The following ASAH2 variants were observed in gnomAD, a reference collection of about 807,000 sequenced individuals.
The protein encoded by ASAH2 is N-acylsphingosine amidohydrolase 2, also known as neutral ceramidase.
A neutral mutation model predicts 82.9 loss-of-function variants in ASAH2; 58 were observed. The ratio of observed to expected loss-of-function variants is 0.70; its 90% CI spans 0.57 to 0.87. ASAH2 has a LOEUF of 0.87. Ranked by LOEUF, ASAH2 falls within the 40% of genes least tolerant of loss-of-function variation. The pLI is 0.00. For synonymous variants in ASAH2, 276 were observed against 289.7 expected (o/e 0.95, Z 0.48); for missense variants, 779 against 834.0 (o/e 0.93, Z 0.81).
At chr10:50,197,197 TG>T (rs1845010136) in intron 17 of ASAH2, among the ~76,000 whole-genome samples, 1 of 151,668 alleles carries the variant, frequency 6.6e-6, no homozygotes, top group Non-Finnish European at 1.5e-5. Flanking sequence ...AGTACAAGGT[TG>T]GAAGCATACT....
chr10:50,211,290 G>A (rs1845448157), intron 10 of ASAH2, among the ~76,000 whole-genome samples, 156 bp from the exon 11 acceptor site: 1 of 152,070 alleles, frequency 6.6e-6, no homozygotes, highest in African/African-American at 2.4e-5. Flanking sequence ...CAACCACATG[G>A]GTCTCTCTCT....
At chr10:50,203,414 C>T (rs1346843607) in intron 15 of ASAH2, among the ~76,000 whole-genome samples, 1 of 151,896 alleles carries the variant, frequency 6.6e-6, no homozygotes, top group African/African-American at 2.4e-5. Flanking sequence ...CAAACATTAT[C>T]AAATTTTAAA....
chr10:50,211,705 A>T (rs958786545), intron 10 of ASAH2, among the ~76,000 whole-genome samples: 17 of 152,310 alleles, frequency 1.1e-4, no homozygotes, highest in Middle Eastern at 3.4e-3. Flanking sequence ...AAACAAGTTT[A>T]AAAAACTCTT....
rs1844825957 is a variant in ASAH2, at chr10:50,188,983, A to G, written c.2153+516T>C. On this transcript the variant is annotated intron_variant, in intron 20 of 20. Coordinates refer to ENST00000682911, the MANE Select transcript of ASAH2 (RefSeq NM_019893.4). ...CAAAGAGATATGTCTCTCCGGAGAAATTGCCTGAATATATTATCTCCTCAC... is the reference window on the plus strand; with the variant it reads ...CAAAGAGATATGTCTCTCCGGAGAAGTTGCCTGAATATATTATCTCCTCAC... 1.4e-5 allele frequency among the ~76,000 whole-genome samples: 2 copies of G among 139,834 alleles called. 1 individual carries two copies. Among genetic ancestry groups the G allele is most frequent in the African/African-American group, 5.6e-5 (2 of 35,814 alleles). The allele number at this position is 139,834 out of a possible 152,430, so 91.7% of individuals were successfully genotyped here.
chr10:50,190,616 T>C (rs1458788270), intron 19 of ASAH2, among the ~76,000 whole-genome samples: 2,219 of 122,590 alleles, frequency 0.018, 12 homozygotes, highest in African/African-American at 0.065. Flanking sequence ...GAAGAACAAG[T>C]CTAGGCCTCT....
At position 50,199,164 on chromosome 10, in the gene ASAH2, A is replaced by G; in HGVS notation, c.1762-18T>C. 2 of 1,612,450 alleles carry G rather than the reference A, an allele frequency of 1.2e-6. No homozygotes were observed. The highest frequency in any genetic ancestry group is 1.7e-6 in the Non-Finnish European group (2 of 1,178,776). On this transcript the variant is annotated intron_variant, in intron 16 of 20. Transcript: ENST00000682911. ...CGCTGAGCCTGCAGGAAAGGCAGGG[A>G]GAGTTGTATATGGTTCTGCTTATTT...
intron 7 of ASAH2, among the ~76,000 whole-genome samples, chr10:50,223,883 T>C (rs1247330445): frequency 2.0e-5 from 3 of 152,112 alleles, no homozygotes; most frequent in Non-Finnish European, 2.9e-5. Context: ...AAGCCAAGGA[T>C]TGATGGCAAC....
chr10:50,199,222 A>C (rs1449540679), intron 16 of ASAH2, 76 bp from the exon 17 acceptor site: 1 of 1,459,264 alleles, frequency 6.9e-7, no homozygotes, highest in African/African-American at 1.4e-5. Flanking sequence ...CATTTTGGGT[A>C]AGTGTGATGC....
Position 50,186,011 on chromosome 10 carries a change from G to A in ASAH2, c.*1304C>T, listed in dbSNP as rs1439387955. ...ATGCAATTAGTACTTTCAGACAATCGATGTCAGACTGTCATATCTTATTCT... is the reference window on the plus strand; with the variant it reads ...ATGCAATTAGTACTTTCAGACAATCAATGTCAGACTGTCATATCTTATTCT... On this transcript the variant is annotated 3_prime_UTR_variant, in exon 21 of 21. Coordinates refer to ENST00000682911, the MANE Select transcript of ASAH2 (RefSeq NM_019893.4). 2.7e-5 allele frequency: 4 copies of A among 149,880 alleles called. No homozygotes were observed. The highest frequency in any genetic ancestry group is 4.4e-5 in the Non-Finnish European group (3 of 67,504). 9.3% of individuals were successfully genotyped at this position (149,880 alleles called of 1,614,324 possible). A position where few individuals can be genotyped will look rare whatever the true frequency, so the allele number is the denominator to read the frequency against.
intron 2 of ASAH2, among the ~76,000 whole-genome samples, chr10:50,245,820 T>C (rs1846440442): frequency 6.6e-6 from 1 of 152,128 alleles, no homozygotes; most frequent in Admixed American, 6.6e-5. Flanking sequence ...CCATTTTTTC[T>C]ATCCAGACTC....
At chr10:50,216,634 T>C in intron 8 of ASAH2, among the ~76,000 whole-genome samples, 1 of 151,036 alleles carries the variant, frequency 6.6e-6, no homozygotes, top group Non-Finnish European at 1.5e-5. Flanking sequence ...TGAAACTAAA[T>C]ATACCATCCA....
At chr10:50,234,931 C>T (rs1846116909) in intron 5 of ASAH2, among the ~76,000 whole-genome samples, 1 of 152,100 alleles carries the variant, frequency 6.6e-6, no homozygotes, top group African/African-American at 2.4e-5. Flanking sequence ...ACTGTTTCCA[C>T]CTCCCTACCC....
intron 18 of ASAH2, among the ~76,000 whole-genome samples, chr10:50,194,705 G>A (rs1359397964): frequency 1.3e-5 from 2 of 150,888 alleles, no homozygotes; most frequent in Non-Finnish European, 3.0e-5. Context: ...CTGGCCTAAA[G>A]TAATCAACAC....
chr10:50,213,687 C>T (rs1231539716), intron 9 of ASAH2, among the ~76,000 whole-genome samples: 1 of 152,026 alleles, frequency 6.6e-6, no homozygotes, highest in Non-Finnish European at 1.5e-5. Flanking sequence ...ACAGGTAAAA[C>T]ATCTTAAATT....
intron 8 of ASAH2, among the ~76,000 whole-genome samples, chr10:50,216,371 T>C (rs1845602750): frequency 6.6e-6 from 1 of 152,288 alleles, no homozygotes; most frequent in Middle Eastern, 3.4e-3. Flanking sequence ...AGGCTCACAT[T>C]ACAGTCGGTA....
chr10:50,196,161 T>C (rs1279675907), intron 18 of ASAH2, among the ~76,000 whole-genome samples: 3 of 151,818 alleles, frequency 2.0e-5, no homozygotes, highest in East Asian at 1.9e-4. Context: ...AGTAAATATA[T>C]ATAATTTTTA....
At chr10:50,243,670 C>T (rs902944213) in intron 3 of ASAH2, among the ~76,000 whole-genome samples, 2 of 152,202 alleles carry the variant, frequency 1.3e-5, no homozygotes, top group African/African-American at 4.8e-5. Context: ...GTTACTAACA[C>T]TAACACGAGA....
intron 10 of ASAH2, among the ~76,000 whole-genome samples, chr10:50,212,627 AATCAATCTGGTCAT>A (rs1845486248): frequency 6.6e-6 from 1 of 152,188 alleles, no homozygotes; most frequent in Non-Finnish European, 1.5e-5. Context: ...TGAGAATTTG[AATCAATCTGGTCAT>A]ATCTAATGCC....
In ASAH2 at chr10:50,233,193, C is replaced by T. The variant is rs1007281285; in HGVS notation, c.884G>A (p.Gly295Asp). Residue 295 changes from glycine to aspartate, a missense_variant, in exon 7 of 21, where the codon GGC (glycine) becomes GAC (aspartate). Around this residue, in one of 3 missense-constraint regions of ASAH2, gnomAD observed 759 missense variants for 755.2 expected, o/e 1.00. Transcript: ENST00000682911. Reference sequence around the variant, plus strand: ...AAAGGAAATACAGTACCTGATAAGGCCCAAGTCATCTCCATTCAAATCTAC... The same window carrying T: ...AAAGGAAATACAGTACCTGATAAGGTCCAAGTCATCTCCATTCAAATCTAC... ...KMVDLNGDDL[G>D]LISWFAIHPV... The T allele has an allele frequency of 3.5e-5, 56 of 1,609,550 alleles. No individual in the cohort carries two copies. The African/African-American group carries it at 4.9e-4, about 14-fold the overall frequency.
Sources: gnomAD v4.1 joint callset for allele counts (sites outside exome capture counted in the v4.1 genomes callset) on GRCh38, gnomAD v4.1.1 for gene constraint, gnomAD v4.1.1 regional missense constraint, MANE v1.5 for transcripts, NCBI Gene and HGNC (gene_info 2026-07-23, HGNC 2026-07-21) for gene names.